Variants in DAO observed in about 807,000 individuals in gnomAD.
DAO encodes the protein D-amino acid oxidase.
In DAO, 51 loss-of-function variants were observed where a neutral mutation model predicts 50.1. The ratio of observed to expected loss-of-function variants is 1.02; its 90% CI spans 0.81 to 1.29. The LOEUF (loss-of-function observed/expected upper bound fraction) is 1.29. DAO is among the 50% of genes most tolerant of loss of function. DAO has a pLI of 0.00. For missense variants in DAO, 436 were observed against 439.4 expected (o/e 0.99, Z 0.07); for synonymous variants, 160 against 166.2 (o/e 0.96, Z 0.29).
At chr12:108,881,885 C>T (rs991165354) in intron 1 of DAO, among the ~76,000 whole-genome samples, 4 of 152,094 alleles carry the variant, frequency 2.6e-5, no homozygotes, top group Non-Finnish European at 5.9e-5. Flanking sequence ...GAATTAAAGA[C>T]GTGAGCCACT....
intron 7 of DAO, among the ~76,000 whole-genome samples, chr12:108,895,791 A>C (rs1057387022): frequency 6.6e-6 from 1 of 150,878 alleles, no homozygotes; most frequent in African/African-American, 2.4e-5. Flanking sequence ...GTGCATGTGC[A>C]CCTGTGAATG....
At chr12:108,880,439 T>C (rs1566032637) in intron 1 of DAO, 1 of 304,410 alleles carries the variant, frequency 3.3e-6, no homozygotes, top group Non-Finnish European at 6.5e-6. Context: ...ACCTGGAACA[T>C]GGGGATCATA....
chr12:108,894,971 C>T (rs1336116132), intron 7 of DAO, among the ~76,000 whole-genome samples: 2 of 152,240 alleles, frequency 1.3e-5, no homozygotes, highest in African/African-American at 4.8e-5. Flanking sequence ...CCACCTTGGC[C>T]TGTCAAAGTG....
intron 5 of DAO, among the ~76,000 whole-genome samples, chr12:108,892,159 C>CTTTTTTTTTTTTTTT (rs11356161): frequency 9.2e-6 from 1 of 108,990 alleles, no homozygotes; most frequent in African/African-American, 3.7e-5. Flanking sequence ...TTTCTTTCTT[C>CTTTTTTTTTTTTTTT]TTTTTTTTTT....
intron 5 of DAO, 77 bp from the exon 6 acceptor site, chr12:108,892,905 G>C: frequency 1.5e-6 from 2 of 1,348,590 alleles, no homozygotes; most frequent in South Asian, 1.2e-5. Flanking sequence ...GTTTGGGAAA[G>C]GTCCCTGTGC....
intron 9 of DAO, 136 bp downstream of exon 9, chr12:108,898,932 G>T (rs2039592475): frequency 1.4e-6 from 1 of 719,834 alleles, no homozygotes; most frequent in African/African-American, 1.7e-5. Flanking sequence ...GAACATAACA[G>T]AATTTGATAA....
At chr12:108,899,344 C>A (rs1305713222) in intron 9 of DAO, 33 bp from the exon 10 acceptor site, 26 of 1,552,340 alleles carry the variant, frequency 1.7e-5, no homozygotes, top group Non-Finnish European at 2.3e-5. Context: ...AAAAAAAAAT[C>A]CAGAAATGAG....
chr12:108,889,449 C>G lies in DAO; in HGVS notation c.310-20C>G, dbSNP rs745757719. The G allele has an allele frequency of 4.4e-6, 7 of 1,592,018 alleles. No homozygotes were observed. Among genetic ancestry groups the G allele is most frequent in the East Asian group, 4.5e-5 (2 of 44,520 alleles). On this transcript the variant is annotated intron_variant, in intron 3 of 10. Coordinates refer to ENST00000228476, the MANE Select transcript of DAO (RefSeq NM_001917.5). ...TTGACTTCCATCCCACCCAGTGCCC[C>G]CTTTGTCCTTCCTCTTCAGGACCCT...
rs199548432 is a variant in DAO at position 108,900,516 on chromosome 12, T to A, written c.1025T>A (p.Met342Lys). ...RILEEKKLSRMPPSHL is the reference protein window; with the variant it reads ...RILEEKKLSRKPPSHL ...CTGGAAGAAAAGAAATTGTCCAGAA[T>A]GCCACCATCCCACCTCTGAAGACTC... is the stretch of plus-strand genomic sequence containing the variant. Residue 342 changes from methionine to lysine, a missense_variant, in exon 11 of 11, where the codon ATG (methionine) becomes AAG (lysine). By Grantham distance (95) the Met-to-Lys change is moderately conservative (BLOSUM62 -1). Transcript: ENST00000228476. 6.2e-7 allele frequency: 1 copy of A among 1,614,120 alleles called. No homozygotes were observed. The highest frequency in any genetic ancestry group is 1.3e-5 in the African/African-American group (1 of 75,054).
In DAO at chr12:108,900,431, T is replaced by G. The variant is rs746150850; in HGVS notation, c.940T>G (p.Tyr314Asp). ...EVIHNYGHGG[Y>D]GLTIHWGCAL... ...CATCCACAACTATGGCCATGGAGGC[T>G]ACGGGCTCACCATCCACTGGGGATG... Residue 314 changes from tyrosine to aspartate, a missense_variant, in exon 11 of 11, where the codon TAC (tyrosine) becomes GAC (aspartate). Physicochemically the swap from Tyr to Asp is radical, Grantham distance 160. Coordinates refer to ENST00000228476, the MANE Select transcript of DAO (RefSeq NM_001917.5). The G allele has an allele frequency of 6.2e-7, 1 of 1,614,142 alleles. No individual in the cohort carries two copies. The highest frequency in any genetic ancestry group is 1.1e-5 in the South Asian group (1 of 91,084).
In DAO at chr12:108,886,081, TCTCA is replaced by T. The variant is rs199848151; in HGVS notation, c.194+884_194+887del. ...TTTATCTTTTTAAATAGAGATAGGG[TCTCA>T]CTATGTTGCCCGGGCTGGTCTTGAA... On this transcript the variant is annotated intron_variant, in intron 2 of 10. Coordinates refer to ENST00000228476, the MANE Select transcript of DAO (RefSeq NM_001917.5). Among the ~76,000 whole-genome samples the T allele has an allele frequency of 6.5e-3, 980 of 150,802 alleles. 21 individuals carry two copies. Among genetic ancestry groups the T allele is most frequent in the Admixed American group, 0.032 (487 of 15,092 alleles).
intron 1 of DAO, chr12:108,880,512 C>T: frequency 5.5e-6 from 1 of 180,398 alleles, no homozygotes; most frequent in Non-Finnish European, 1.2e-5. Flanking sequence ...GTGCTTAGAG[C>T]AGATCTAGGC....
chr12:108,888,625 C>T (rs2039458690), intron 3 of DAO, among the ~76,000 whole-genome samples: 1 of 152,120 alleles, frequency 6.6e-6, no homozygotes, highest in African/African-American at 2.4e-5. Context: ...TGAACCACTG[C>T]ACCCGGCCAA....
At position 108,900,707 on chromosome 12, in the gene DAO, G is replaced by T. The variant is rs2039613662; in HGVS notation, c.*172G>T. 4.8e-6 allele frequency: 4 copies of T among 837,940 alleles called. No homozygotes were observed. The highest frequency in any genetic ancestry group is 5.4e-6 in the Non-Finnish European group (3 of 551,926). 51.9% of individuals were successfully genotyped at this position (837,940 alleles called of 1,614,324 possible). ...CTGGAGAAGGGTTCAGCCCAACATG[G>T]GGCCCCTCTCATCACTGAAATCCCT... is the stretch of plus-strand genomic sequence containing the variant. On this transcript the variant is annotated 3_prime_UTR_variant, in exon 11 of 11. Transcript: ENST00000228476.
chr12:108,884,079 A>G (rs2039408723), intron 1 of DAO, among the ~76,000 whole-genome samples: 1 of 152,242 alleles, frequency 6.6e-6, no homozygotes, highest in Non-Finnish European at 1.5e-5. Context: ...TTCAAGGTTA[A>G]AAGCTGGTAG....
chr12:108,896,698 C>T (rs141880573), intron 7 of DAO, among the ~76,000 whole-genome samples: 126 of 152,200 alleles, frequency 8.3e-4, no homozygotes, highest in African/African-American at 2.6e-3. Context: ...TCTGTTCAGT[C>T]GGTTGGGGAC....
chr12:108,885,997 C>T (rs1011005939), intron 2 of DAO, among the ~76,000 whole-genome samples: 4 of 152,216 alleles, frequency 2.6e-5, no homozygotes, highest in African/African-American at 9.6e-5. Context: ...AGTGATCTGC[C>T]CACCTTGACC....
At chr12:108,891,188 C>A (rs112309493) in intron 5 of DAO, among the ~76,000 whole-genome samples, 2,231 of 152,144 alleles carry the variant, frequency 0.015, 52 homozygotes, top group African/African-American at 0.048. Flanking sequence ...GTGGTTCATA[C>A]CTGTAATCCT....
At chr12:108,895,683 GGT>G (rs905572932) in intron 7 of DAO, among the ~76,000 whole-genome samples, 18 of 148,346 alleles carry the variant, frequency 1.2e-4, no homozygotes, top group African/African-American at 3.0e-4. Flanking sequence ...TGTATGTAAG[GGT>G]GTGTGTGCAT....
Sources: gnomAD v4.1 joint callset for allele counts (sites outside exome capture counted in the v4.1 genomes callset) on GRCh38, gnomAD v4.1.1 for gene constraint, MANE v1.5 for transcripts, NCBI Gene and HGNC (gene_info 2026-07-23, HGNC 2026-07-21) for gene names.